Variants in ZNF630 observed in about 807,000 individuals in gnomAD.
ZNF630 encodes the protein dJ54B20.2 (novel KRAB box containing C2H2 type zinc finger protein).
ZNF630 carries 5 observed loss-of-function variants against 7.2 expected under a neutral mutation model. The observed-to-expected ratio is 0.70, with a 90% confidence interval of 0.36 to 1.46. The LOEUF (loss-of-function observed/expected upper bound fraction) is 1.46. Among genes scored for constraint, ZNF630 ranks in the 40% most tolerant of loss-of-function variants. The pLI, the probability that ZNF630 is intolerant of heterozygous loss-of-function variation, is 0.03. For synonymous variants in ZNF630, 158 were observed against 162.8 expected, an observed-to-expected ratio of 0.97 and a Z score of 0.23; for missense variants, 461 against 477.0, an observed-to-expected ratio of 0.97 and a Z score of 0.31.
Position 48,058,701 on chromosome X carries a change from A to G in ZNF630, c.1741T>C (p.Cys581Arg), listed in dbSNP as rs782549378. The G allele has an allele frequency of 4.1e-6, 5 of 1,207,937 alleles. No individual in the cohort carries two copies. In the South Asian group the frequency reaches 8.8e-5, roughly 21 times the overall value. Residue 581 changes from cysteine to arginine, a missense_variant, in exon 5 of 5, where the codon TGT (cysteine) becomes CGT (arginine). Cys to Arg is a radical substitution (Grantham distance 180, BLOSUM62 -3). Coordinates refer to ENST00000276054, the MANE Select transcript of ZNF630 (RefSeq NM_001282201.2). ...TGTATAATGAGTGGAGACTTTCCAC[A>G]GAAGGCCTTTCCACATTCACTACAT... ...YECSECGKAF[C>R]GKSPLIIHQK...
rs2059142784 is a variant in ZNF630, at chrX:48,068,270, AG to A, written c.-175-1210del. On this transcript the variant is annotated intron_variant, in intron 1 of 4. Transcript: ENST00000276054. Reference sequence around the variant, plus strand: ...GAGGGAGGGAGGGAGAGAGGAAGGAAGGAAGGAAGGAAGGAAGGAAGGAAGG... The same window carrying A: ...GAGGGAGGGAGGGAGAGAGGAAGGAAGAAGGAAGGAAGGAAGGAAGGAAGG... Among the ~76,000 whole-genome samples the A allele has an allele frequency of 8.4e-5, 8 of 95,351 alleles. No individual in the cohort carries two copies. The South Asian group carries it at 1.8e-3, about 21-fold the overall frequency. 82.8% of individuals were successfully genotyped at this position (95,351 alleles called of 115,157 possible). A position where few individuals can be genotyped will look rare whatever the true frequency, so the allele number is the denominator to read the frequency against.
rs782739752 is a variant in ZNF630 at position 48,060,941 on chromosome X, G to C, written c.20C>G (p.Pro7Arg). 1.7e-6 allele frequency: 2 copies of C among 1,199,904 alleles called. No individual in the cohort carries two copies. The highest frequency in any genetic ancestry group is 1.8e-5 in the South Asian group (1 of 55,030). Residue 7 changes from proline (P) to arginine (R), a missense_variant, in exon 3 of 5, where the codon CCA (proline) becomes CGA (arginine). Transcript: ENST00000276054. Reference protein sequence around the residue: MIESQEPVTFEDVAVDF... With the variant: MIESQERVTFEDVAVDF... Reference sequence around the variant, plus strand: ...CACAGCCACATCCTCAAATGTCACTGGTTCCTATAACAGCACATTCCTGTA... The same window carrying C: ...CACAGCCACATCCTCAAATGTCACTCGTTCCTATAACAGCACATTCCTGTA...
At chrX:48,070,637 C>T (rs1603238384) in intron 1 of ZNF630, among the ~76,000 whole-genome samples, 2 of 99,370 alleles carry the variant, frequency 2.0e-5, no homozygotes, top group South Asian at 9.3e-4. Flanking sequence ...AAAAAAAATT[C>T]CTACAAATCA....
intron 1 of ZNF630, among the ~76,000 whole-genome samples, chrX:48,070,007 G>A (rs1032592876): frequency 1.0e-4 from 11 of 108,096 alleles, no homozygotes; most frequent in African/African-American, 1.4e-4. Flanking sequence ...ACAGGAGCCC[G>A]CCACCACGCC....
Position 48,058,129 on chromosome X carries a change from G to C in ZNF630, c.*339C>G, listed in dbSNP as rs140146445. 9.9e-3 allele frequency: 1,755 copies of C among 176,468 alleles called. 15 individuals are homozygous for C. Among genetic ancestry groups the C allele is most frequent in the Non-Finnish European group, 0.015 (1,420 of 95,896 alleles). 14.5% of individuals were successfully genotyped at this position (176,468 alleles called of 1,213,427 possible). Reference sequence around the variant, plus strand: ...GGAAAAAATAGAGAAAGATGACAAAGAGATACCCTTCAAATAATGCACCAT... The same window carrying C: ...GGAAAAAATAGAGAAAGATGACAAACAGATACCCTTCAAATAATGCACCAT... On this transcript the variant is annotated 3_prime_UTR_variant, in exon 5 of 5. Transcript: ENST00000276054.
At chrX:48,070,334 G>A (rs1274178999) in intron 1 of ZNF630, among the ~76,000 whole-genome samples, 1 of 108,273 alleles carries the variant, frequency 9.2e-6, no homozygotes, top group Non-Finnish European at 1.9e-5. Context: ...TTCCTGGCCG[G>A]GCACGGTGGC....
At chrX:48,068,192 AAGGAAG>A (rs2059140907) in intron 1 of ZNF630, among the ~76,000 whole-genome samples, 1 of 82,846 alleles carries the variant, frequency 1.2e-5, no homozygotes, top group Non-Finnish European at 2.3e-5. Context: ...GGAAGGAAGG[AAGGAAG>A]GAAAGAAAAG....
At chrX:48,062,590 C>T (rs782211659) in intron 2 of ZNF630, among the ~76,000 whole-genome samples, 4 of 111,607 alleles carry the variant, frequency 3.6e-5, no homozygotes, top group South Asian at 7.4e-4. Flanking sequence ...AAAAATTAGC[C>T]GAGCATGGTG....
intron 2 of ZNF630, among the ~76,000 whole-genome samples, chrX:48,065,174 T>C (rs1387232099): frequency 2.7e-5 from 3 of 111,711 alleles, no homozygotes; most frequent in African/African-American, 9.8e-5. Context: ...CTCCATACCC[T>C]GATGGCTTCA....
chrX:48,061,764 C>T (rs1556909222), intron 2 of ZNF630: 1 of 323,115 alleles, frequency 3.1e-6, no homozygotes, highest in East Asian at 1.0e-4. Flanking sequence ...CTTCTCTCTC[C>T]TGCCACCATG....
intron 2 of ZNF630, among the ~76,000 whole-genome samples, chrX:48,063,215 C>T (rs2059115187): frequency 2.0e-5 from 2 of 98,207 alleles, no homozygotes; most frequent in Admixed American, 2.3e-4. Flanking sequence ...AGTTTGTATT[C>T]TAGTGAGGGG....
rs1386018243 is a variant in ZNF630, at chrX:48,062,980, G to GGGAAA, written c.16-2036_16-2035insTTTCC. On this transcript the variant is annotated intron_variant, in intron 2 of 4. Transcript: ENST00000276054. ...AAAGAGAGAGAGAGAGAGAGAGGGAGGGAGGGAGGGAGGGAGGAAGGAAGG... is the reference window on the plus strand; with the variant it reads ...AAAGAGAGAGAGAGAGAGAGAGGGAGGGAAAGGAGGGAGGGAGGGAGGAAGGAAGG... Among the ~76,000 whole-genome samples the GGGAAA allele has an allele frequency of 2.8e-4, 28 of 100,306 alleles. No individual in the cohort carries two copies. The East Asian group carries it at 3.8e-3, about 14-fold the overall frequency. The allele number at this position is 100,306 out of a possible 115,157, so 87.1% of individuals were successfully genotyped here.
chrX:48,060,003 A>T lies in ZNF630; in HGVS notation c.439T>A (p.Leu147Met), dbSNP rs781837486. Residue 147 changes from leucine (L) to methionine (M), a missense_variant, in exon 5 of 5, where the codon TTG becomes ATG. Physicochemically the swap from Leu to Met is conservative, Grantham distance 15 (BLOSUM62 2). Coordinates refer to ENST00000276054, the MANE Select transcript of ZNF630 (RefSeq NM_001282201.2). ...RQVTVISRETLTDEMGSKYSA... is the reference protein window; with the variant it reads ...RQVTVISRETMTDEMGSKYSA... ...TACTTGGAACCCATCTCATCAGTCAATGTTTCACGACTGATGACTGTGACC... is the reference window on the plus strand; with the variant it reads ...TACTTGGAACCCATCTCATCAGTCATTGTTTCACGACTGATGACTGTGACC... 1.7e-6 allele frequency: 2 copies of T among 1,207,805 alleles called. No individual in the cohort carries two copies. Among genetic ancestry groups the T allele is most frequent in the East Asian group, 5.9e-5 (2 of 33,783 alleles).
chrX:48,067,802 C>G (rs1238167679), intron 1 of ZNF630, among the ~76,000 whole-genome samples: 6 of 110,891 alleles, frequency 5.4e-5, no homozygotes, highest in African/African-American at 2.0e-4. Flanking sequence ...CGGTGCACAG[C>G]TGTAAGCCCA....
rs1556908240 is a variant in ZNF630 at position 48,058,593 on chromosome X, A to G, written c.1849T>C (p.Tyr617His). 1 of 1,205,703 alleles carries G rather than the reference A, an allele frequency of 8.3e-7. No individual in the cohort carries two copies. Among genetic ancestry groups the G allele is most frequent in the East Asian group, 3.0e-5 (1 of 33,589 alleles). ...TTCTCCCCAGTGTGTCTTCTCTGAT[A>G]TGTAATCATCTGTGATTTCCAGAAA... ...TFFWKSQMIT[Y>H]QRRHTGEKPS... is the part of the protein sequence containing the mutation. Residue 617 changes from tyrosine (Y) to histidine (H), a missense_variant, in exon 5 of 5, where the codon TAT becomes CAT. Tyr to His is a moderately conservative substitution (Grantham distance 83). Coordinates refer to ENST00000276054, the MANE Select transcript of ZNF630 (RefSeq NM_001282201.2).
rs919203876 is a variant in ZNF630 at position 48,057,971 on chromosome X, G to T, written c.*497C>A. The stretch of plus-strand genomic sequence containing the variant: ...CTCGAGAGGGCGAGGCAGGACAATC[G>T]CTCAAACCTAGGAGGTGGAGGTTGC... On this transcript the variant is annotated 3_prime_UTR_variant, in exon 5 of 5. Transcript: ENST00000276054. Among the ~76,000 whole-genome samples, 1 of 110,568 alleles carries T rather than the reference G, an allele frequency of 9.0e-6. No individual in the cohort carries two copies. The highest frequency in any genetic ancestry group is 3.3e-5 in the African/African-American group (1 of 30,199).
chrX:48,062,783 A>G (rs782358509), intron 2 of ZNF630, among the ~76,000 whole-genome samples: 6 of 110,578 alleles, frequency 5.4e-5, no homozygotes, highest in South Asian at 3.8e-4. Flanking sequence ...CCCTGTCTCT[A>G]CAAAAAATTA....
rs375873120 is a variant in ZNF630 at position 48,058,526 on chromosome X, T to C, written c.1916A>G (p.His639Arg). ...ATTCTGATGCCCAGTAAAGTATACA[T>C]GCTGGCAGAATGCCTTCCCACAGTC... ...CSDCGKAFCQ[H>R]VYFTGHQNPY... Residue 639 changes from histidine (H) to arginine (R), a missense_variant, in exon 5 of 5, where the codon CAT (histidine) becomes CGT (arginine). Transcript: ENST00000276054. 17 of 1,205,790 alleles carry C rather than the reference T, an allele frequency of 1.4e-5. No homozygotes were observed. Among genetic ancestry groups the C allele is most frequent in the Non-Finnish European group, 1.9e-5 (17 of 892,032 alleles).
At chrX:48,068,261 GAGGAAGGA>G (rs57262250) in intron 1 of ZNF630, among the ~76,000 whole-genome samples, 4,427 of 93,204 alleles carry the variant, frequency 0.047, 124 homozygotes, top group Middle Eastern at 0.11. Flanking sequence ...GGGAGGGAGA[GAGGAAGGA>G]AGGAAGGAAG....
Sources: gnomAD v4.1 joint callset for allele counts (sites outside exome capture counted in the v4.1 genomes callset) on GRCh38, gnomAD v4.1.1 for gene constraint, MANE v1.5 for transcripts, NCBI Gene and HGNC (gene_info 2026-07-23, HGNC 2026-07-21) for gene names.